The following MEF2D variants were observed in gnomAD, a reference collection of about 807,000 sequenced individuals.
The protein encoded by MEF2D is myocyte-specific enhancer factor 2D.
MEF2D carries 10 observed loss-of-function variants against 59.3 expected under a neutral mutation model. The ratio of observed to expected loss-of-function variants is 0.17; its 90% CI spans 0.10 to 0.29. MEF2D has a LOEUF of 0.29. Among genes scored for constraint, MEF2D ranks in the 10% least tolerant of loss-of-function variants. The pLI, the probability that MEF2D is intolerant of heterozygous loss-of-function variation, is 1.00. For synonymous variants in MEF2D, 305 were observed against 295.0 expected (o/e 1.03, Z -0.35); for missense variants, 508 against 699.4 (o/e 0.73, Z 3.09).
intron 9 of MEF2D, among the ~76,000 whole-genome samples, chr1:156,473,838 A>T (rs1671397650): frequency 6.6e-6 from 1 of 151,836 alleles, no homozygotes; most frequent in East Asian, 1.9e-4. Flanking sequence ...TCATTCCACC[A>T]CCATGCCAAA....
intron 4 of MEF2D, 128 bp downstream of exon 4, chr1:156,480,706 C>T (rs766926362): frequency 2.5e-6 from 4 of 1,607,338 alleles, no homozygotes; most frequent in Admixed American, 1.7e-5. Context: ...ATTTCTCTTC[C>T]GTCTGGGGGG....
At chr1:156,477,823 T>A (rs950670575) in intron 6 of MEF2D, among the ~76,000 whole-genome samples, 1 of 152,246 alleles carries the variant, frequency 6.6e-6, no homozygotes, top group Non-Finnish European at 1.5e-5. Flanking sequence ...GGTGATGGTG[T>A]TATTGGCACT....
chr1:156,475,288 A>G, intron 8 of MEF2D, 51 bp from the exon 9 acceptor site: 1 of 1,526,614 alleles, frequency 6.6e-7, no homozygotes, highest in Non-Finnish European at 8.8e-7. Context: ...GGGCAGCTTT[A>G]TGTTGGCCCT....
rs748923134 is a variant in MEF2D, at chr1:156,468,995, G to A, written c.1032C>T (p.Leu344=). Residue 344 remains leucine (L), a synonymous_variant, in exon 10 of 12, where the codon CTC becomes CTT. Transcript: ENST00000348159. The surrounding 1 kb of genome is among the most constrained non-coding windows in gnomAD (Gnocchi z 4.3). ...NTDYQLTSAE[L]SSLPAFSSPG... Reference sequence around the variant, plus strand: ...GTGAACTAAAGGCTGGTAAGGAGGAGAGCTCTGCACTGGTCAACTGGTAAT... The same window carrying A: ...GTGAACTAAAGGCTGGTAAGGAGGAAAGCTCTGCACTGGTCAACTGGTAAT... 6.2e-7 allele frequency: 1 copy of A among 1,611,922 alleles called. No homozygotes were observed. Among genetic ancestry groups the A allele is most frequent in the Non-Finnish European group, 8.5e-7 (1 of 1,178,260 alleles).
intron 1 of MEF2D, among the ~76,000 whole-genome samples, chr1:156,498,044 C>A (rs564045424): frequency 3.4e-5 from 5 of 148,512 alleles, no homozygotes; most frequent in African/African-American, 1.3e-4. Flanking sequence ...TTAGCTCCCC[C>A]CAACCTGAAG....
intron 3 of MEF2D, 58 bp from the exon 4 acceptor site, chr1:156,481,029 A>C: frequency 6.2e-7 from 1 of 1,605,408 alleles, no homozygotes; most frequent in African/African-American, 1.3e-5. Flanking sequence ...GCCTCGCTGG[A>C]GTTCCTTCCA....
rs371370250 is a variant in MEF2D, at chr1:156,480,875, G to A, written c.355C>T (p.Arg119Cys). ...AGCCCGTCGAGCTCCTCGCTGGCGC[G>A]TCGGTACTTGTCCTCCAGCAGGGGG... ...QSPLLEDKYR[R>C]ASEELDGLFR... Residue 119 changes from arginine (R) to cysteine (C), a missense_variant, in exon 4 of 12, where the codon CGC becomes TGC. Around this residue, in one of 2 missense-constraint regions of MEF2D, gnomAD observed 481 missense variants for 584.7 expected, o/e 0.82. Transcript: ENST00000348159. The A allele has an allele frequency of 2.6e-5, 41 of 1,606,258 alleles. No homozygotes were observed. The highest frequency in any genetic ancestry group is 6.7e-5 in the East Asian group (3 of 44,852).
chr1:156,480,005 C>A (rs1264667305), intron 4 of MEF2D, among the ~76,000 whole-genome samples: 1 of 152,198 alleles, frequency 6.6e-6, no homozygotes, highest in Non-Finnish European at 1.5e-5. Flanking sequence ...TGGGTCCATA[C>A]TCTGGGTCCA....
At chr1:156,479,371 G>A (rs1384359516) in intron 5 of MEF2D, 25 bp from the exon 6 acceptor site, 1 of 1,609,232 alleles carries the variant, frequency 6.2e-7, no homozygotes. Context: ...GAACCAGGAT[G>A]AGCTGACAAC....
In MEF2D at chr1:156,480,781, G is replaced by T. The variant is rs773264207; in HGVS notation, c.396+53C>A. On this transcript the variant is annotated intron_variant, in intron 4 of 11. Coordinates refer to ENST00000348159, the MANE Select transcript of MEF2D (RefSeq NM_005920.4). ...CCCTGTGCTTCTTGTGCAGCGCCTGGGGGGAAGGGGCCGGAAGGGGGGGCC... is the reference window on the plus strand; with the variant it reads ...CCCTGTGCTTCTTGTGCAGCGCCTGTGGGGAAGGGGCCGGAAGGGGGGGCC... 9 of 1,604,146 alleles carry T rather than the reference G, an allele frequency of 5.6e-6. No homozygotes were observed. The South Asian group carries it at 8.9e-5, about 16-fold the overall frequency.
chr1:156,472,732 G>A (rs868533452), intron 9 of MEF2D, among the ~76,000 whole-genome samples: 1 of 145,626 alleles, frequency 6.9e-6, no homozygotes, highest in South Asian at 2.2e-4. Flanking sequence ...TTTTTTTTGA[G>A]ATGGAGTCTC....
intron 6 of MEF2D, among the ~76,000 whole-genome samples, chr1:156,478,667 AC>A (rs1008755865): frequency 6.6e-6 from 1 of 152,104 alleles, no homozygotes; most frequent in African/African-American, 2.4e-5. Context: ...AGTAGCTGGG[AC>A]TACAGGCATG....
At chr1:156,482,745 C>A (rs56088206) in intron 2 of MEF2D, 105 bp from the exon 3 acceptor site, 1 of 1,064,812 alleles carries the variant, frequency 9.4e-7, no homozygotes, top group South Asian at 1.4e-5. Context: ...CAGGAGCCCC[C>A]ATTCTCAGTG....
At position 156,477,216 on chromosome 1, in the gene MEF2D, A is replaced by G; in HGVS notation, c.665-14T>C. On this transcript the variant is annotated splice_polypyrimidine_tract_variant and intron_variant, in intron 6 of 11. Coordinates refer to ENST00000348159, the MANE Select transcript of MEF2D (RefSeq NM_005920.4). The stretch of plus-strand genomic sequence containing the variant: ...CGTAGCCATTCCCTGGAGAAGTGAC[A>G]ACAAGAGGGTAAAAGGAAAAACATG... 6.3e-7 allele frequency: 1 copy of G among 1,579,266 alleles called. No individual in the cohort carries two copies. The highest frequency in any genetic ancestry group is 1.2e-5 in the South Asian group (1 of 85,800).
intron 4 of MEF2D, 39 bp from the exon 5 acceptor site, chr1:156,479,835 G>A: frequency 2.6e-6 from 4 of 1,542,194 alleles, no homozygotes; most frequent in Non-Finnish European, 3.5e-6. Context: ...AGGCCAGGTT[G>A]ACCCCTTCCA....
intron 1 of MEF2D, among the ~76,000 whole-genome samples, chr1:156,497,385 TGA>T (rs1673191090): frequency 1.3e-5 from 2 of 152,242 alleles, no homozygotes; most frequent in South Asian, 4.1e-4. Flanking sequence ...CCAGCTGGCC[TGA>T]GAGAGCCTCG....
intron 9 of MEF2D, among the ~76,000 whole-genome samples, chr1:156,469,982 C>G (rs1311364684): frequency 6.6e-6 from 1 of 152,198 alleles, no homozygotes; most frequent in Non-Finnish European, 1.5e-5. Flanking sequence ...GCCTCATGCC[C>G]AAGGGGCAGA....
At chr1:156,486,191 C>T (rs1206178940) in intron 1 of MEF2D, among the ~76,000 whole-genome samples, 1 of 152,136 alleles carries the variant, frequency 6.6e-6, no homozygotes, top group Non-Finnish European at 1.5e-5. Flanking sequence ...CCAGCAGACA[C>T]CTGAGCCCCA....
At chr1:156,473,757 A>T (rs1225544871) in intron 9 of MEF2D, among the ~76,000 whole-genome samples, 1 of 152,156 alleles carries the variant, frequency 6.6e-6, no homozygotes, top group East Asian at 1.9e-4. Flanking sequence ...GACCTTTCTC[A>T]TGTCCTTAAG....
Sources: allele counts gnomAD v4.1 joint callset (sites outside exome capture counted in the v4.1 genomes callset), GRCh38; gene constraint gnomAD v4.1.1; regional missense constraint gnomAD v4.1.1; non-coding constraint Gnocchi (gnomAD v3.1); transcripts MANE v1.5; gene names NCBI Gene and HGNC (gene_info 2026-07-23, HGNC 2026-07-21).